CHD7: variants seen among roughly 807,000 people sequenced by gnomAD.
The protein encoded by CHD7 is chromodomain helicase DNA binding protein 7, also known as ATP-dependent chromatin remodeler CHD7.
A neutral mutation model predicts 307.3 loss-of-function variants in CHD7; 24 were observed. That is an observed-to-expected ratio of 0.08 (90% CI 0.06 to 0.11). CHD7 has a LOEUF of 0.11. CHD7 is among the 10% of genes least tolerant of loss of function. The pLI, the probability that CHD7 is intolerant of heterozygous loss-of-function variation, is 1.00. For synonymous variants in CHD7, 1,363 were observed against 1,349.9 expected, an observed-to-expected ratio of 1.01 and a Z score of -0.21; for missense variants, 3,106 against 3,727.1, an observed-to-expected ratio of 0.83 and a Z score of 4.34.
At chr8:60,803,378 C>A (rs907655444) in intron 6 of CHD7, among the ~76,000 whole-genome samples, 2 of 152,108 alleles carry the variant, frequency 1.3e-5, no homozygotes, top group African/African-American at 4.8e-5. Flanking sequence ...ATTGCTTTTT[C>A]TTTCTGTTTT....
chr8:60,715,843 C>T (rs1045912720), intron 1 of CHD7, among the ~76,000 whole-genome samples: 1 of 152,114 alleles, frequency 6.6e-6, no homozygotes, highest in African/African-American at 2.4e-5. Flanking sequence ...AAAATATAGG[C>T]CACTATTTTG....
At chr8:60,762,004 T>A (rs958061818) in intron 2 of CHD7, among the ~76,000 whole-genome samples, 26 of 152,288 alleles carry the variant, frequency 1.7e-4, no homozygotes, top group Non-Finnish European at 3.4e-4. Flanking sequence ...AGTACTGTTG[T>A]ATTCTCTTTA....
intron 2 of CHD7, among the ~76,000 whole-genome samples, chr8:60,745,318 C>T (rs1281316996): frequency 6.6e-6 from 1 of 152,164 alleles, no homozygotes; most frequent in Admixed American, 6.5e-5. Context: ...TTGGAAGACA[C>T]CCTGTGATTA....
Position 60,823,850 on chromosome 8 carries a change from T to C in CHD7, c.3212T>C (p.Ile1071Thr). The C allele has an allele frequency of 6.2e-7, 1 of 1,613,716 alleles. No individual in the cohort carries two copies. Among genetic ancestry groups the C allele is most frequent in the South Asian group, 1.1e-5 (1 of 91,074 alleles). The part of the protein sequence containing the change: ...MYFKDPQGRV[I>T]KGSYKFHAII... ...GAGTTGTTCTTATAGGGTCGAGTGA[T>C]AAAGGGGTCCTATAAGTTTCATGCC... The change falls in exon 13 of 38, where the codon ATA (isoleucine) becomes ACA (threonine). Residue 1071 changes from isoleucine to threonine, a missense_variant. Physicochemically the swap from Ile to Thr is moderately conservative, Grantham distance 89. Around this residue, in one of 10 missense-constraint regions of CHD7, gnomAD observed 232 missense variants for 422.5 expected, o/e 0.55. Transcript: ENST00000423902.
At chr8:60,856,279 C>A in intron 33 of CHD7, 77 bp downstream of exon 33, 1 of 1,301,474 alleles carries the variant, frequency 7.7e-7, no homozygotes, top group Non-Finnish European at 1.0e-6. Flanking sequence ...GCTTATATTT[C>A]ACTGGCCTTG....
At chr8:60,722,679 A>G (rs552461189) in intron 1 of CHD7, among the ~76,000 whole-genome samples, 7 of 152,324 alleles carry the variant, frequency 4.6e-5, no homozygotes, top group African/African-American at 1.2e-4. Flanking sequence ...GTTGTTGACA[A>G]TGAGTGAGAT....
intron 6 of CHD7, among the ~76,000 whole-genome samples, chr8:60,803,718 C>T (rs1812419754): frequency 6.6e-6 from 1 of 152,226 alleles, no homozygotes; most frequent in African/African-American, 2.4e-5. Flanking sequence ...AGGTACTAAA[C>T]ATTAACAGGT....
chr8:60,778,838 A>T (rs1460190002), intron 2 of CHD7, among the ~76,000 whole-genome samples: 1 of 152,248 alleles, frequency 6.6e-6, no homozygotes, highest in Non-Finnish European at 1.5e-5. Context: ...AAAACAGTTA[A>T]ATCAGGTCCA....
At chr8:60,789,694 G>A (rs997611548) in intron 3 of CHD7, among the ~76,000 whole-genome samples, 2 of 152,122 alleles carry the variant, frequency 1.3e-5, no homozygotes, top group Non-Finnish European at 2.9e-5. Flanking sequence ...GTAAATTATG[G>A]CCGTTTGTAT....
intron 1 of CHD7, among the ~76,000 whole-genome samples, chr8:60,701,175 A>T (rs1191998002): frequency 3.3e-5 from 5 of 152,240 alleles, no homozygotes; most frequent in African/African-American, 1.2e-4. Context: ...GAGCAGCAGC[A>T]ACAGTTTAGT....
chr8:60,819,161 G>A (rs939588743), intron 8 of CHD7, among the ~76,000 whole-genome samples: 10 of 152,200 alleles, frequency 6.6e-5, no homozygotes, highest in African/African-American at 2.2e-4. Flanking sequence ...CACCATGTTG[G>A]CCAGGCTGGT....
At chr8:60,732,725 A>G (rs572234687) in intron 1 of CHD7, among the ~76,000 whole-genome samples, 83 of 152,346 alleles carry the variant, frequency 5.4e-4, no homozygotes, top group Non-Finnish European at 9.4e-4. Flanking sequence ...AGCAAGATAC[A>G]TACTAGCAAT....
intron 15 of CHD7, among the ~76,000 whole-genome samples, chr8:60,834,383 T>C (rs1357647600): frequency 6.6e-6 from 1 of 152,216 alleles, no homozygotes; most frequent in African/African-American, 2.4e-5. Flanking sequence ...GAGCTTATGA[T>C]GTATTGTACA....
At position 60,681,546 on chromosome 8, in the gene CHD7, C is replaced by T. The variant is rs142947564; in HGVS notation, c.-175+2464C>T. ...GAAAAGTTTATTTTCCCTGAAAAAT[C>T]TGTCTTGTAGAAAAAAGTTATAGTA... On this transcript the variant is annotated intron_variant, in intron 1 of 37. Transcript: ENST00000423902. Among the ~76,000 whole-genome samples the T allele has an allele frequency of 8.7e-3, 1,325 of 152,266 alleles. 9 individuals are homozygous for T. Among genetic ancestry groups the T allele is most frequent in the Non-Finnish European group, 0.012 (811 of 67,996 alleles).
At chr8:60,787,868 G>T (rs1172998673) in intron 3 of CHD7, among the ~76,000 whole-genome samples, 4 of 127,194 alleles carry the variant, frequency 3.1e-5, no homozygotes, top group African/African-American at 6.1e-5. Context: ...TCGCTCTGTT[G>T]CCCAGGGTGG....
chr8:60,837,106 C>T (rs193025863), intron 17 of CHD7, 94 bp downstream of exon 17: 252 of 952,496 alleles, frequency 2.6e-4, no homozygotes, highest in African/African-American at 1.5e-3. Context: ...ATTAATGTTG[C>T]GTCGTCACTC....
At chr8:60,776,293 A>C (rs1332047595) in intron 2 of CHD7, among the ~76,000 whole-genome samples, 1 of 152,206 alleles carries the variant, frequency 6.6e-6, no homozygotes, top group Non-Finnish European at 1.5e-5. Context: ...TCAAGCAGAA[A>C]ATACTTCAGT....
chr8:60,818,602 A>G (rs1379958151), intron 8 of CHD7, among the ~76,000 whole-genome samples: 14 of 152,114 alleles, frequency 9.2e-5, no homozygotes, highest in Admixed American at 9.2e-4. Context: ...TTGCCTTACT[A>G]ATCTACCTCT....
At chr8:60,715,457 T>TTACAG (rs1367965684) in intron 1 of CHD7, among the ~76,000 whole-genome samples, 3 of 151,904 alleles carry the variant, frequency 2.0e-5, no homozygotes, top group African/African-American at 7.3e-5. Context: ...GTAGCTGGGA[T>TTACAG]TACAGGCACC....
Sources: gnomAD v4.1 joint callset for allele counts (sites outside exome capture counted in the v4.1 genomes callset) on GRCh38, gnomAD v4.1.1 for gene constraint, gnomAD v4.1.1 regional missense constraint, MANE v1.5 for transcripts, NCBI Gene and HGNC (gene_info 2026-07-23, HGNC 2026-07-21) for gene names.